The following SH3BGRL2 variants were observed in gnomAD, a reference collection of about 807,000 sequenced individuals.
The protein encoded by SH3BGRL2 is SH3 domain-binding glutamic acid-rich-like protein 2.
In SH3BGRL2, 21 loss-of-function variants were observed where a neutral mutation model predicts 14.8. The ratio of observed to expected loss-of-function variants is 1.42; its 90% CI spans 1.01 to 2.05. SH3BGRL2 has a LOEUF of 2.05. Ranked by LOEUF, SH3BGRL2 falls within the 30% of genes most tolerant of loss-of-function variation. SH3BGRL2 has a pLI of 0.00. For missense variants in SH3BGRL2, 147 were observed against 130.8 expected, an observed-to-expected ratio of 1.12 and a Z score of -0.61; for synonymous variants, 50 against 47.8, an observed-to-expected ratio of 1.05 and a Z score of -0.19.
chr6:79,687,511 A>C (rs910690449), intron 2 of SH3BGRL2, among the ~76,000 whole-genome samples: 5 of 152,184 alleles, frequency 3.3e-5, no homozygotes, highest in African/African-American at 1.2e-4. Flanking sequence ...AAAATTGCCA[A>C]AATGAAGCTG....
rs1770506384 is a variant in SH3BGRL2 at position 79,703,397 on chromosome 6, T to A, written c.*3888T>A. The A allele has an allele frequency of 6.6e-6, 1 of 152,198 alleles. No homozygotes were observed. The highest frequency in any genetic ancestry group is 1.5e-5 in the Non-Finnish European group (1 of 68,036). The allele number at this position is 152,198 out of a possible 1,614,324, so 9.4% of individuals were successfully genotyped here. A position where few individuals can be genotyped will look rare whatever the true frequency, so the allele number is the denominator to read the frequency against. Reference sequence around the variant, plus strand: ...TTTCATACATGCAATGGAATATAGATATGTATATACACATATAATATATAT... The same window carrying A: ...TTTCATACATGCAATGGAATATAGAAATGTATATACACATATAATATATAT... On this transcript the variant is annotated 3_prime_UTR_variant, in exon 4 of 4. Transcript: ENST00000369838.
chr6:79,564,188 GAA>G, the SH3BGRL2 span, among the ~76,000 whole-genome samples: 1 of 144,446 alleles, frequency 6.9e-6, no homozygotes, highest in Admixed American at 6.9e-5. Context: ...TTGTGTATCT[GAA>G]AAAAAAAAAG....
At chr6:79,580,910 A>T in the SH3BGRL2 span, among the ~76,000 whole-genome samples, 1 of 152,202 alleles carries the variant, frequency 6.6e-6, no homozygotes, top group South Asian at 2.1e-4. Flanking sequence ...ATAAACAAGA[A>T]AAGAGAGAAG....
the SH3BGRL2 span, among the ~76,000 whole-genome samples, chr6:79,580,111 A>G: frequency 5.3e-5 from 8 of 152,340 alleles, no homozygotes; most frequent in South Asian, 1.7e-3. Flanking sequence ...TCCTAAATAT[A>G]TATGCAGCCG....
chr6:79,690,190 CTG>C (rs1358001949), intron 2 of SH3BGRL2, among the ~76,000 whole-genome samples: 2 of 151,972 alleles, frequency 1.3e-5, no homozygotes, highest in African/African-American at 4.8e-5. Context: ...CGGGGTCTTG[CTG>C]TGTTGCTCAG....
At chr6:79,650,357 C>T (rs117172730) in intron 1 of SH3BGRL2, among the ~76,000 whole-genome samples, 6 of 152,154 alleles carry the variant, frequency 3.9e-5, no homozygotes, top group South Asian at 2.1e-4. Flanking sequence ...AGGAAAGTAC[C>T]GATGAGATGA....
At chr6:79,689,610 G>C (rs1770168440) in intron 2 of SH3BGRL2, among the ~76,000 whole-genome samples, 1 of 151,802 alleles carries the variant, frequency 6.6e-6, no homozygotes, top group Non-Finnish European at 1.5e-5. Flanking sequence ...CTGGAGTGCA[G>C]TGGTACAATC....
chr6:79,699,696 C>A lies in SH3BGRL2; in HGVS notation c.*187C>A. 1.3e-6 allele frequency: 1 copy of A among 768,762 alleles called. No individual in the cohort carries two copies. The highest frequency in any genetic ancestry group is 1.9e-6 in the Non-Finnish European group (1 of 535,054). 47.6% of individuals were successfully genotyped at this position (768,762 alleles called of 1,614,324 possible). A position where few individuals can be genotyped will look rare whatever the true frequency, so the allele number is the denominator to read the frequency against. On this transcript the variant is annotated 3_prime_UTR_variant, in exon 4 of 4. Transcript: ENST00000369838. ...ATTGCATGATTGCTTTAAACCAAAT[C>A]AGGTGGTGGATTTTTTTTTTCTTAT...
At chr6:79,588,861 C>G in the SH3BGRL2 span, among the ~76,000 whole-genome samples, 1 of 152,100 alleles carries the variant, frequency 6.6e-6, no homozygotes, top group South Asian at 2.1e-4. Flanking sequence ...TTCTTATGTC[C>G]AAAGTCATAT....
At chr6:79,655,868 C>G (rs1261186721) in intron 1 of SH3BGRL2, among the ~76,000 whole-genome samples, 2 of 152,098 alleles carry the variant, frequency 1.3e-5, no homozygotes, top group Non-Finnish European at 2.9e-5. Flanking sequence ...GGCTATTCAC[C>G]CCTCCATAAT....
chr6:79,618,429 C>T, the SH3BGRL2 span, among the ~76,000 whole-genome samples: 1 of 152,200 alleles, frequency 6.6e-6, no homozygotes, highest in African/African-American at 2.4e-5. Flanking sequence ...CAGGTTGGGC[C>T]AGGCGCCGTG....
chr6:79,564,462 T>G, the SH3BGRL2 span, among the ~76,000 whole-genome samples: 1 of 152,212 alleles, frequency 6.6e-6, no homozygotes, highest in Non-Finnish European at 1.5e-5. Context: ...TCTGCTATGA[T>G]GTTTCATTAG....
intron 1 of SH3BGRL2, among the ~76,000 whole-genome samples, chr6:79,655,942 G>T (rs1582721717): frequency 6.6e-6 from 1 of 152,188 alleles, no homozygotes; most frequent in Non-Finnish European, 1.5e-5. Context: ...CACCTGCAGA[G>T]GGAGTGGGAG....
intron 1 of SH3BGRL2, among the ~76,000 whole-genome samples, chr6:79,639,462 G>A (rs1429500816): frequency 1.3e-5 from 2 of 152,018 alleles, no homozygotes; most frequent in East Asian, 1.9e-4. Context: ...GGTGGCATGT[G>A]CCTGTAGTCC....
At chr6:79,580,429 C>A in the SH3BGRL2 span, among the ~76,000 whole-genome samples, 6 of 152,088 alleles carry the variant, frequency 3.9e-5, no homozygotes, top group Non-Finnish European at 7.4e-5. Flanking sequence ...GAACAGAAAT[C>A]ACAACAAACT....
the SH3BGRL2 span, among the ~76,000 whole-genome samples, chr6:79,614,434 CAGG>C: frequency 4.6e-4 from 70 of 152,210 alleles, 1 homozygote; most frequent in East Asian, 0.01. Flanking sequence ...GGGCACTGTC[CAGG>C]AGGAGAGAGT....
At chr6:79,642,714 C>T (rs545983110) in intron 1 of SH3BGRL2, among the ~76,000 whole-genome samples, 162 of 152,166 alleles carry the variant, frequency 1.1e-3, no homozygotes, top group African/African-American at 3.6e-3. Context: ...TGTGAGTAAC[C>T]GGGAAAAGGA....
At chr6:79,661,910 T>G (rs768604811) in intron 1 of SH3BGRL2, among the ~76,000 whole-genome samples, 3 of 152,240 alleles carry the variant, frequency 2.0e-5, no homozygotes, top group Non-Finnish European at 2.9e-5. Context: ...TCTTTTGATC[T>G]TTGTTGGTCT....
intron 1 of SH3BGRL2, among the ~76,000 whole-genome samples, chr6:79,656,266 G>A (rs1174130904): frequency 6.6e-6 from 1 of 152,214 alleles, no homozygotes; most frequent in East Asian, 1.9e-4. Flanking sequence ...GTCATGACTT[G>A]CTGGTTAATT....
Sources: allele counts gnomAD v4.1 joint callset (sites outside exome capture counted in the v4.1 genomes callset), GRCh38; gene constraint gnomAD v4.1.1; transcripts MANE v1.5; gene names NCBI Gene and HGNC (gene_info 2026-07-23, HGNC 2026-07-21).